The following ZFP69B variants were observed in gnomAD, a reference collection of about 807,000 sequenced individuals.
ZFP69B encodes zinc finger protein 69 homolog B.
In ZFP69B, 20 loss-of-function variants were observed where a neutral mutation model predicts 19.7. That is an observed-to-expected ratio of 1.02 (90% CI 0.71 to 1.48). The LOEUF (loss-of-function observed/expected upper bound fraction) is 1.48, where lower values mean the gene tolerates loss of function less well. Ranked by LOEUF, ZFP69B falls within the 40% of genes most tolerant of loss-of-function variation. The pLI, the probability that ZFP69B is intolerant of heterozygous loss-of-function variation, is 0.00. For synonymous variants in ZFP69B, 220 were observed against 222.7 expected (o/e 0.99, Z 0.11); for missense variants, 583 against 632.6 (o/e 0.92, Z 0.84).
chr1:40,462,631 C>T lies in ZFP69B; in HGVS notation c.647C>T (p.Thr216Ile). Residue 216 changes from threonine to isoleucine, a missense_variant, in exon 5 of 5, where the codon ACA becomes ATA. By Grantham distance (89) the Thr-to-Ile change is moderately conservative. Transcript: ENST00000361584. ...KGQIPLMCKKTFTQERGQESN... is the reference protein window; with the variant it reads ...KGQIPLMCKKIFTQERGQESN... ...CAAATCCCCCTGATGTGCAAGAAAACATTCACTCAGGAGAGAGGCCAAGAG... is the reference window on the plus strand; with the variant it reads ...CAAATCCCCCTGATGTGCAAGAAAATATTCACTCAGGAGAGAGGCCAAGAG... The T allele has an allele frequency of 1.2e-6, 2 of 1,613,898 alleles. No homozygotes were observed. The highest frequency in any genetic ancestry group is 1.7e-6 in the Non-Finnish European group (2 of 1,179,950).
At chr1:40,454,412 T>A in intron 2 of ZFP69B, 124 bp downstream of exon 2, 1 of 685,474 alleles carries the variant, frequency 1.5e-6, no homozygotes, top group East Asian at 3.4e-5. Context: ...TTTTCATTAT[T>A]TTTTGAGACG....
At chr1:40,456,828 T>G (rs1413665260) in intron 2 of ZFP69B, 117 bp from the exon 3 acceptor site, 1 of 1,352,758 alleles carries the variant, frequency 7.4e-7, no homozygotes, top group Non-Finnish European at 1.0e-6. Flanking sequence ...TTAGAATAAA[T>G]TAAATGATTA....
chr1:40,451,885 C>T (rs765012569), intron 1 of ZFP69B, among the ~76,000 whole-genome samples: 25 of 151,838 alleles, frequency 1.6e-4, no homozygotes, highest in Non-Finnish European at 2.4e-4. Context: ...CCAAGGTGGG[C>T]GGATTGCTTG....
At chr1:40,457,527 A>G (rs1188011863) in intron 4 of ZFP69B, 88 bp downstream of exon 4, 1 of 1,049,874 alleles carries the variant, frequency 9.5e-7, no homozygotes, top group African/African-American at 1.6e-5. Context: ...GACTGAGGCC[A>G]TGTGGATGGT....
At chr1:40,455,769 CT>C (rs760465285) in intron 2 of ZFP69B, among the ~76,000 whole-genome samples, 29 of 152,146 alleles carry the variant, frequency 1.9e-4, no homozygotes, top group Non-Finnish European at 3.2e-4. Context: ...CCCCCATCCC[CT>C]GACAGGCCCT....
chr1:40,450,843 A>T lies in ZFP69B; in HGVS notation c.-119A>T. 1 of 1,190,078 alleles carries T rather than the reference A, an allele frequency of 8.4e-7. No homozygotes were observed. Among genetic ancestry groups the T allele is most frequent in the Non-Finnish European group, 1.1e-6 (1 of 913,610 alleles). 73.7% of individuals were successfully genotyped at this position (1,190,078 alleles called of 1,614,324 possible). A position where few individuals can be genotyped will look rare whatever the true frequency, so the allele number is the denominator to read the frequency against. On this transcript the variant is annotated 5_prime_UTR_variant, in exon 1 of 5. Coordinates refer to ENST00000361584, the MANE Select transcript of ZFP69B (RefSeq NM_023070.3). Reference sequence around the variant, plus strand: ...CATTGAGGAGTAGGAGTCGGCGATTAAGGAGATCGGTACAATTGGGAAGCC... The same window carrying T: ...CATTGAGGAGTAGGAGTCGGCGATTTAGGAGATCGGTACAATTGGGAAGCC...
At position 40,463,161 on chromosome 1, in the gene ZFP69B, T is replaced by C. The variant is rs767303856; in HGVS notation, c.1177T>C (p.Cys393Arg). The C allele has an allele frequency of 2.5e-6, 4 of 1,614,074 alleles. No individual in the cohort carries two copies. The highest frequency in any genetic ancestry group is 3.4e-6 in the Non-Finnish European group (4 of 1,180,040). Residue 393 changes from cysteine (C) to arginine (R), a missense_variant, in exon 5 of 5, where the codon TGC (cysteine) becomes CGC (arginine). Cys to Arg is a radical substitution (Grantham distance 180). Transcript: ENST00000361584. Reference protein sequence around the residue: ...RTHVREKPFTCKDCGKAFFQI... With the variant: ...RTHVREKPFTRKDCGKAFFQI... ...TCATGTTAGAGAGAAACCTTTTACA[T>C]GCAAAGACTGTGGAAAAGCGTTTTT... is the stretch of plus-strand genomic sequence containing the variant.
intron 1 of ZFP69B, among the ~76,000 whole-genome samples, chr1:40,453,637 T>C (rs946559321): frequency 6.6e-6 from 1 of 152,162 alleles, no homozygotes; most frequent in African/African-American, 2.4e-5. Flanking sequence ...GGTAGGTGTG[T>C]CCAGTGGATG....
In ZFP69B at chr1:40,451,053, T is replaced by A. The variant is rs1211622936; in HGVS notation, c.92T>A (p.Leu31Gln). Residue 31 changes from leucine to glutamine, a missense_variant, in exon 1 of 5, where the codon CTG (leucine) becomes CAG (glutamine). By Grantham distance (113) the Leu-to-Gln change is moderately radical. Transcript: ENST00000361584. ...AAGGCGGCCACGGAGCGGGTGGCCCTGTGGGAGGATGTGACTAAGATGTTT... is the reference window on the plus strand; with the variant it reads ...AAGGCGGCCACGGAGCGGGTGGCCCAGTGGGAGGATGTGACTAAGATGTTT... ...HPKAATERVALWEDVTKMFKA... is the reference protein window; with the variant it reads ...HPKAATERVAQWEDVTKMFKA... 1 of 1,548,090 alleles carries A rather than the reference T, an allele frequency of 6.5e-7. No individual in the cohort carries two copies. Among genetic ancestry groups the A allele is most frequent in the Non-Finnish European group, 8.7e-7 (1 of 1,145,690 alleles).
chr1:40,453,795 C>T (rs1008477778), intron 1 of ZFP69B, among the ~76,000 whole-genome samples: 1 of 152,164 alleles, frequency 6.6e-6, no homozygotes, highest in African/African-American at 2.4e-5. Context: ...TCTCTTGAAC[C>T]TGGGAGGTGG....
chr1:40,454,600 G>T (rs762639272), intron 2 of ZFP69B, among the ~76,000 whole-genome samples: 1 of 152,026 alleles, frequency 6.6e-6, no homozygotes. Flanking sequence ...GGGTTTCACC[G>T]TGTTAGGCAG....
At chr1:40,460,190 TACTG>T (rs1473776275) in intron 4 of ZFP69B, among the ~76,000 whole-genome samples, 1 of 152,212 alleles carries the variant, frequency 6.6e-6, no homozygotes, top group Admixed American at 6.5e-5. Context: ...GCCAATGAAA[TACTG>T]ACAGGAATAT....
chr1:40,460,712 G>C (rs1645274471), intron 4 of ZFP69B, among the ~76,000 whole-genome samples: 1 of 152,148 alleles, frequency 6.6e-6, no homozygotes, highest in South Asian at 2.1e-4. Context: ...GCTGGGCGCA[G>C]TGGCTTAAGC....
At position 40,450,848 on chromosome 1, in the gene ZFP69B, G is replaced by A. The variant is rs1645179021; in HGVS notation, c.-114G>A. On this transcript the variant is annotated 5_prime_UTR_variant, in exon 1 of 5. Transcript: ENST00000361584. ...AGGAGTAGGAGTCGGCGATTAAGGA[G>A]ATCGGTACAATTGGGAAGCCTCCTG... 8.0e-7 allele frequency: 1 copy of A among 1,247,492 alleles called. No homozygotes were observed. The highest frequency in any genetic ancestry group is 1.0e-6 in the Non-Finnish European group (1 of 957,736). 77.3% of individuals were successfully genotyped at this position (1,247,492 alleles called of 1,614,324 possible). A position where few individuals can be genotyped will look rare whatever the true frequency, so the allele number is the denominator to read the frequency against.
intron 1 of ZFP69B, among the ~76,000 whole-genome samples, chr1:40,453,601 T>C (rs1025265776): frequency 4.6e-5 from 7 of 152,162 alleles, no homozygotes; most frequent in Admixed American, 2.0e-4. Context: ...CCACATGTAT[T>C]CAAAGAATGG....
chr1:40,463,230 G>C lies in ZFP69B; in HGVS notation c.1246G>C (p.Val416Leu), dbSNP rs151207450. The C allele has an allele frequency of 9.3e-6, 15 of 1,614,010 alleles. No homozygotes were observed. Among genetic ancestry groups the C allele is most frequent in the East Asian group, 4.5e-5 (2 of 44,886 alleles). Residue 416 changes from valine (V) to leucine (L), a missense_variant, in exon 5 of 5, where the codon GTG (valine) becomes CTG (leucine). Coordinates refer to ENST00000361584, the MANE Select transcript of ZFP69B (RefSeq NM_023070.3). ...LRQHEIIHTG[V>L]KPYICNVCSK... ...GCAACATGAGATTATTCATACTGGT[G>C]TGAAACCCTATATTTGTAATGTATG... is the stretch of plus-strand genomic sequence containing the variant.
chr1:40,456,854 G>A, intron 2 of ZFP69B, 91 bp from the exon 3 acceptor site: 31 of 1,513,620 alleles, frequency 2.0e-5, no homozygotes, highest in Non-Finnish European at 2.8e-5. Context: ...ACAGTATCCA[G>A]GAAAACTTGA....
At chr1:40,457,274 G>C (rs767800087) in intron 3 of ZFP69B, 70 bp from the exon 4 acceptor site, 44 of 1,561,528 alleles carry the variant, frequency 2.8e-5, no homozygotes, top group Admixed American at 3.4e-5. Context: ...GAATACCAAA[G>C]AACCATATTT....
chr1:40,452,059 A>G (rs1216618300), intron 1 of ZFP69B, among the ~76,000 whole-genome samples: 1 of 152,126 alleles, frequency 6.6e-6, no homozygotes, highest in Non-Finnish European at 1.5e-5. Flanking sequence ...AGGAAAGGGG[A>G]GGTTTCAGTG....
Sources: gnomAD v4.1 joint callset for allele counts (sites outside exome capture counted in the v4.1 genomes callset) on GRCh38, gnomAD v4.1.1 for gene constraint, MANE v1.5 for transcripts, NCBI Gene and HGNC (gene_info 2026-07-23, HGNC 2026-07-21) for gene names.